The following RHOBTB1 variants were observed in gnomAD, a reference collection of about 807,000 sequenced individuals.
RHOBTB1 encodes rho-related BTB domain-containing protein 1.
In RHOBTB1, 40 loss-of-function variants were observed where a neutral mutation model predicts 71.6. That is an observed-to-expected ratio of 0.56 (90% CI 0.43 to 0.73). The LOEUF is 0.73. RHOBTB1 is among the 30% of genes least tolerant of loss of function. RHOBTB1 has a pLI of 0.00. For synonymous variants in RHOBTB1, 319 were observed against 334.9 expected, an observed-to-expected ratio of 0.95 and a Z score of 0.52; for missense variants, 797 against 894.0, an observed-to-expected ratio of 0.89 and a Z score of 1.38.
intron 8 of RHOBTB1, among the ~76,000 whole-genome samples, chr10:60,876,807 G>A (rs1349497627): frequency 6.6e-6 from 1 of 152,206 alleles, no homozygotes; most frequent in Non-Finnish European, 1.5e-5. Flanking sequence ...TCTCCAGGTG[G>A]TTGTGTGTAG....
At chr10:60,999,234 C>T (rs1460407075) in intron 1 of RHOBTB1, among the ~76,000 whole-genome samples, 1 of 152,010 alleles carries the variant, frequency 6.6e-6, no homozygotes, top group Non-Finnish European at 1.5e-5. Context: ...ACTGCGCATC[C>T]AAATTTTAGT....
intron 2 of RHOBTB1, among the ~76,000 whole-genome samples, chr10:60,936,948 A>G (rs1239451131): frequency 6.6e-6 from 1 of 152,222 alleles, no homozygotes; most frequent in East Asian, 1.9e-4. Context: ...TGCTACTTCT[A>G]AATTTGAAGA....
At chr10:60,962,683 A>C (rs2085824105) in intron 2 of RHOBTB1, among the ~76,000 whole-genome samples, 1 of 152,120 alleles carries the variant, frequency 6.6e-6, no homozygotes, top group Non-Finnish European at 1.5e-5. Flanking sequence ...CCTTCGGTAA[A>C]GTCTTAAAAC....
chr10:60,892,201 A>G (rs1036993420), intron 5 of RHOBTB1, among the ~76,000 whole-genome samples: 1 of 152,212 alleles, frequency 6.6e-6, no homozygotes, highest in South Asian at 2.1e-4. Flanking sequence ...ATATAGTGAA[A>G]CAAATTCTCC....
chr10:60,935,858 A>T (rs1368134790), intron 2 of RHOBTB1, among the ~76,000 whole-genome samples: 1 of 152,176 alleles, frequency 6.6e-6, no homozygotes, highest in African/African-American at 2.4e-5. Context: ...ATGGTGTGAC[A>T]CTGCATCATC....
the RHOBTB1 span, among the ~76,000 whole-genome samples, chr10:60,861,248 C>T: frequency 1.3e-4 from 20 of 152,266 alleles, no homozygotes; most frequent in African/African-American, 4.1e-4. Flanking sequence ...AATTGTTTTC[C>T]GTTTATCCTA....
At position 60,871,440 on chromosome 10, in the gene RHOBTB1, T is replaced by C; in HGVS notation, c.*42A>G. On this transcript the variant is annotated 3_prime_UTR_variant, in exon 11 of 11. Transcript: ENST00000337910. Reference sequence around the variant, plus strand: ...GTGCTTTGAAAAGTGGTGGATCAGATTACCGATTGGTTTCTGTTTTTTGTT... The same window carrying C: ...GTGCTTTGAAAAGTGGTGGATCAGACTACCGATTGGTTTCTGTTTTTTGTT... The C allele has an allele frequency of 2.5e-6, 4 of 1,593,700 alleles. No individual in the cohort carries two copies. The highest frequency in any genetic ancestry group is 3.4e-6 in the Non-Finnish European group (4 of 1,167,934).
chr10:60,871,565 G>T lies in RHOBTB1; in HGVS notation c.2008C>A (p.Arg670=), dbSNP rs148931110. Residue 670 remains arginine (R), a synonymous_variant, in exon 11 of 11, where the codon CGA becomes AGA. Coordinates refer to ENST00000337910, the MANE Select transcript of RHOBTB1 (RefSeq NM_014836.5). ...TTTAGTGCAATATCTTCCTTCTCTC[G>T]TTCCCTTTTCACACGCTGGTAGTGA... ...EDHYQRVKRE[R]EKEDIALNKH... The T allele has an allele frequency of 6.2e-6, 10 of 1,613,754 alleles. No individual in the cohort carries two copies. Among genetic ancestry groups the T allele is most frequent in the Non-Finnish European group, 8.5e-6 (10 of 1,179,966 alleles).
chr10:60,878,184 G>T, intron 7 of RHOBTB1, 126 bp from the exon 8 acceptor site: 1 of 686,664 alleles, frequency 1.5e-6, no homozygotes, highest in South Asian at 1.9e-5. Context: ...CCTGCTTTGA[G>T]GCTGTGCATA....
intron 2 of RHOBTB1, among the ~76,000 whole-genome samples, chr10:60,954,363 CT>C (rs1187584287): frequency 6.6e-6 from 1 of 152,118 alleles, no homozygotes; most frequent in African/African-American, 2.4e-5. Context: ...ATATAGCAGT[CT>C]CAAAAAGGCT....
intron 1 of RHOBTB1, among the ~76,000 whole-genome samples, chr10:60,998,132 C>T (rs553542373): frequency 7.2e-5 from 11 of 152,292 alleles, no homozygotes; most frequent in Non-Finnish European, 1.5e-5. Flanking sequence ...TCCTGTGTGT[C>T]TGAGGGCGGC....
At chr10:60,933,830 TAC>T (rs1307748766) in intron 2 of RHOBTB1, among the ~76,000 whole-genome samples, 1 of 151,938 alleles carries the variant, frequency 6.6e-6, no homozygotes, top group Non-Finnish European at 1.5e-5. Flanking sequence ...GTTATAGGAG[TAC>T]ACTCATTGTT....
chr10:60,917,292 C>G (rs1366514929), intron 2 of RHOBTB1, among the ~76,000 whole-genome samples: 1 of 152,144 alleles, frequency 6.6e-6, no homozygotes, highest in African/African-American at 2.4e-5. Flanking sequence ...AAATTCTATT[C>G]ATTCTTTAAA....
At chr10:60,951,852 T>A (rs573503967) in intron 2 of RHOBTB1, among the ~76,000 whole-genome samples, 6 of 152,032 alleles carry the variant, frequency 3.9e-5, no homozygotes, top group Non-Finnish European at 8.8e-5. Flanking sequence ...AGGTCAGGAG[T>A]TTGAGACCAG....
chr10:60,881,165 C>T (rs759151978), intron 7 of RHOBTB1, among the ~76,000 whole-genome samples: 1 of 152,138 alleles, frequency 6.6e-6, no homozygotes, highest in East Asian at 1.9e-4. Context: ...TTGCCTGCTG[C>T]CATGTAAGAT....
intron 2 of RHOBTB1, among the ~76,000 whole-genome samples, chr10:60,919,121 T>A (rs1157900752): frequency 6.6e-6 from 1 of 152,198 alleles, no homozygotes; most frequent in Non-Finnish European, 1.5e-5. Flanking sequence ...TGGAGGGACC[T>A]TTGTAGTCTT....
At chr10:60,951,835 T>C (rs61853065) in intron 2 of RHOBTB1, among the ~76,000 whole-genome samples, 94 of 152,276 alleles carry the variant, frequency 6.2e-4, no homozygotes, top group Non-Finnish European at 1.2e-3. Flanking sequence ...GGCGGGCAGA[T>C]TGCCTGAGGT....
chr10:60,893,835 T>C (rs956731714), intron 4 of RHOBTB1, among the ~76,000 whole-genome samples: 1 of 152,226 alleles, frequency 6.6e-6, no homozygotes, highest in Non-Finnish European at 1.5e-5. Flanking sequence ...TGTCCAATTA[T>C]GGTGTTTGAT....
At chr10:60,970,716 A>T (rs1003797608) in intron 2 of RHOBTB1, among the ~76,000 whole-genome samples, 1 of 152,078 alleles carries the variant, frequency 6.6e-6, no homozygotes, top group African/African-American at 2.4e-5. Context: ...GAGCTTACAT[A>T]GCTTTTTTTT....
Sources: allele counts gnomAD v4.1 joint callset (sites outside exome capture counted in the v4.1 genomes callset), GRCh38; gene constraint gnomAD v4.1.1; transcripts MANE v1.5; gene names NCBI Gene and HGNC (gene_info 2026-07-23, HGNC 2026-07-21).